Variants in NCDN observed in about 807,000 individuals in gnomAD.
The protein encoded by NCDN is norbin.
Under a neutral mutation model 60.7 loss-of-function variants are expected in NCDN, and 9 were observed. That is an observed-to-expected ratio of 0.15 (90% CI 0.09 to 0.26). The LOEUF is 0.26. Ranked by LOEUF, NCDN falls within the 10% of genes least tolerant of loss-of-function variation. The pLI is 1.00. For synonymous variants in NCDN, 409 were observed against 442.5 expected (o/e 0.92, Z 0.95); for missense variants, 578 against 975.2 (o/e 0.59, Z 5.42).
rs762580458 is a variant in NCDN, at chr1:35,565,428, C to A, written c.1955C>A (p.Pro652His). ...QAFTGCVPLL[P>H]WLAPAALRSR... is the part of the protein sequence containing the mutation. ...TTCACCGGCTGTGTGCCTCTGCTGC[C>A]CTGGCTGGCCCCCGCTGCCCTGCGC... The change falls in exon 7 of 7, where the codon CCC (proline) becomes CAC (histidine). Residue 652 changes from proline (P) to histidine (H), a missense_variant. This residue lies in a region of NCDN where 191 missense variants were observed against 372.1 expected (regional missense o/e 0.51). Coordinates refer to ENST00000373243, the MANE Select transcript of NCDN (RefSeq NM_014284.3). This position sits in a 1 kb window ranked among gnomAD's most constrained non-coding sequence, Gnocchi z 8.9. 4 of 1,612,508 alleles carry A rather than the reference C, an allele frequency of 2.5e-6. No homozygotes were observed. Among genetic ancestry groups the A allele is most frequent in the Non-Finnish European group, 3.4e-6 (4 of 1,179,498 alleles).
At chr1:35,559,328 G>T in intron 2 of NCDN, 81 bp downstream of exon 2, 1 of 1,570,742 alleles carries the variant, frequency 6.4e-7, no homozygotes, top group East Asian at 2.3e-5. Flanking sequence ...GAGTCCCCAA[G>T]GATATGTACG....
chr1:35,559,408 C>G (rs1050721286), intron 2 of NCDN, among the ~76,000 whole-genome samples, 161 bp downstream of exon 2: 1 of 152,074 alleles, frequency 6.6e-6, no homozygotes, highest in Non-Finnish European at 1.5e-5. Flanking sequence ...TTTTGCTCCC[C>G]CTGAGAATGG....
At position 35,561,464 on chromosome 1, in the gene NCDN, C is replaced by T. The variant is rs1363976371; in HGVS notation, c.1143+170C>T. 6.6e-6 allele frequency among the ~76,000 whole-genome samples: 1 copy of T among 151,958 alleles called. No homozygotes were observed. Among genetic ancestry groups the T allele is most frequent in the Non-Finnish European group, 1.5e-5 (1 of 67,940 alleles). On this transcript the variant is annotated intron_variant, in intron 3 of 6. Transcript: ENST00000373243. The surrounding 1 kb of genome is among the most constrained non-coding windows in gnomAD (Gnocchi z 4.9). ...AGTGTGCGGCCCAACCTCCCTCTCT[C>T]TCCCTCCCTCCACACAAGCACCATA...
chr1:35,559,377 G>C, intron 2 of NCDN, 130 bp downstream of exon 2: 1 of 1,187,134 alleles, frequency 8.4e-7, no homozygotes, highest in Non-Finnish European at 1.2e-6. Context: ...GAAGGCCCAA[G>C]ACCCCTACCT....
At chr1:35,564,681 T>C (rs1225784547) in intron 6 of NCDN, among the ~76,000 whole-genome samples, 1 of 152,180 alleles carries the variant, frequency 6.6e-6, no homozygotes. Context: ...CCCAATTTCA[T>C]GGTCCCAGTT....
rs750786783 is a variant in NCDN at position 35,557,843 on chromosome 1, T to G, written c.-348T>G. The G allele has an allele frequency of 3.5e-6, 2 of 563,712 alleles. No homozygotes were observed. The highest frequency in any genetic ancestry group is 2.2e-5 in the Admixed American group (1 of 45,480). The allele number at this position is 563,712 out of a possible 1,614,324, so 34.9% of individuals were successfully genotyped here. A position where few individuals can be genotyped will look rare whatever the true frequency, so the allele number is the denominator to read the frequency against. On this transcript the variant is annotated 5_prime_UTR_variant, in exon 1 of 7. Transcript: ENST00000373243. ...GCAGCGGCCCGAGGCTCCCGGAGCA[T>G]CGCGCTGGGAGAAGACTTCGCCGCT...
At position 35,561,045 on chromosome 1, in the gene NCDN, G is replaced by T; in HGVS notation, c.894G>T (p.Pro298=). 2 of 1,612,792 alleles carry T rather than the reference G, an allele frequency of 1.2e-6. No individual in the cohort carries two copies. The highest frequency in any genetic ancestry group is 1.7e-6 in the Non-Finnish European group (2 of 1,179,220). The part of the protein sequence containing the change: ...LAHACGSDWI[P]AGSSGSKFLA... ...ACGCCTGCGGCTCCGACTGGATCCC[G>T]GCGGGCAGCTCCGGGAGCAAGTTCC... The change falls in exon 3 of 7, where the codon CCG becomes CCT. Residue 298 remains proline (P), a synonymous_variant. Coordinates refer to ENST00000373243, the MANE Select transcript of NCDN (RefSeq NM_014284.3). The surrounding 1 kb of genome is among the most constrained non-coding windows in gnomAD (Gnocchi z 4.9).
In NCDN at chr1:35,558,054, A is replaced by C; in HGVS notation, c.-137A>C. On this transcript the variant is annotated 5_prime_UTR_variant, in exon 1 of 7. Coordinates refer to ENST00000373243, the MANE Select transcript of NCDN (RefSeq NM_014284.3). This position sits in a 1 kb window ranked among gnomAD's most constrained non-coding sequence, Gnocchi z 6.3. ...ATTTTGTCACAGCCCTTTTCAATATATATCTTTTTTTTTTTTAATTTGCCC... is the reference window on the plus strand; with the variant it reads ...ATTTTGTCACAGCCCTTTTCAATATCTATCTTTTTTTTTTTTAATTTGCCC... 2.4e-6 allele frequency: 3 copies of C among 1,239,086 alleles called. No homozygotes were observed. The highest frequency in any genetic ancestry group is 3.4e-6 in the Non-Finnish European group (3 of 878,782). The allele number at this position is 1,239,086 out of a possible 1,614,324, so 76.8% of individuals were successfully genotyped here. A position where few individuals can be genotyped will look rare whatever the true frequency, so the allele number is the denominator to read the frequency against.
In NCDN at chr1:35,565,874, G is replaced by A. The variant is rs908530973; in HGVS notation, c.*211G>A. The A allele has an allele frequency of 2.4e-5, 14 of 585,672 alleles. No individual in the cohort carries two copies. In the African/African-American group the frequency reaches 2.5e-4, roughly 10 times the overall value. 36.3% of individuals were successfully genotyped at this position (585,672 alleles called of 1,614,324 possible). A position where few individuals can be genotyped will look rare whatever the true frequency, so the allele number is the denominator to read the frequency against. On this transcript the variant is annotated 3_prime_UTR_variant, in exon 7 of 7. Transcript: ENST00000373243. This position sits in a 1 kb window ranked among gnomAD's most constrained non-coding sequence, Gnocchi z 8.9. The stretch of plus-strand genomic sequence containing the variant: ...CCCCTCAGGCCCCCATGGGGGCAGG[G>A]ATCGGCTTGGAAATCAACGTGGTTG...
chr1:35,560,217 C>A lies in NCDN; in HGVS notation c.175-109C>A. On this transcript the variant is annotated intron_variant, in intron 2 of 6. Coordinates refer to ENST00000373243, the MANE Select transcript of NCDN (RefSeq NM_014284.3). The surrounding 1 kb of genome is among the most constrained non-coding windows in gnomAD (Gnocchi z 7.6). ...CTGGATGAAATGACCTCAGATGAGTCCTGTTGCATAACCTCATCTTGCTAG... is the reference window on the plus strand; with the variant it reads ...CTGGATGAAATGACCTCAGATGAGTACTGTTGCATAACCTCATCTTGCTAG... The A allele has an allele frequency of 1.4e-6, 2 of 1,383,970 alleles. No homozygotes were observed. Among genetic ancestry groups the A allele is most frequent in the Non-Finnish European group, 2.0e-6 (2 of 1,015,802 alleles). 85.7% of individuals were successfully genotyped at this position (1,383,970 alleles called of 1,614,324 possible). A position where few individuals can be genotyped will look rare whatever the true frequency, so the allele number is the denominator to read the frequency against.
At chr1:35,564,154 C>A (rs902519609) in intron 6 of NCDN, among the ~76,000 whole-genome samples, 2 of 152,212 alleles carry the variant, frequency 1.3e-5, no homozygotes, top group African/African-American at 4.8e-5. Flanking sequence ...TGCTCACAGG[C>A]ACAGGCATAG....
chr1:35,560,512 G>A lies in NCDN; in HGVS notation c.361G>A (p.Ala121Thr), dbSNP rs1447323220. Residue 121 changes from alanine to threonine, a missense_variant, in exon 3 of 7, where the codon GCC becomes ACC. By Grantham distance (58) the Ala-to-Thr change is moderately conservative. This residue lies in a region of NCDN where 363 missense variants were observed against 583.6 expected (regional missense o/e 0.62). Transcript: ENST00000373243. The surrounding 1 kb of genome is among the most constrained non-coding windows in gnomAD (Gnocchi z 7.6). ...CTGCTTCTGCAGTGACCCTGAACTG[G>A]CCGCCCATCCCCAAGTCCTGAACAA... ...LACFCSDPELAAHPQVLNKIP... is the reference protein window; with the variant it reads ...LACFCSDPELTAHPQVLNKIP... 2 of 1,613,818 alleles carry A rather than the reference G, an allele frequency of 1.2e-6. No homozygotes were observed. Among genetic ancestry groups the A allele is most frequent in the South Asian group, 2.2e-5 (2 of 91,080 alleles).
rs1376036118 is a variant in NCDN, at chr1:35,558,435, C to CGCTGCTGCT, written c.33+221_33+229dup. On this transcript the variant is annotated intron_variant, in intron 1 of 6. Coordinates refer to ENST00000373243, the MANE Select transcript of NCDN (RefSeq NM_014284.3). This position sits in a 1 kb window ranked among gnomAD's most constrained non-coding sequence, Gnocchi z 6.3. ...GGGTTAATTCTGCTGCTGCCGCCGC[C>CGCTGCTGCT]GCTGCTGCTGCTGCTGCAGCCTCTA... 7 of 1,428,872 alleles carry CGCTGCTGCT rather than the reference C, an allele frequency of 4.9e-6. No individual in the cohort carries two copies. Among genetic ancestry groups the CGCTGCTGCT allele is most frequent in the East Asian group, 2.6e-5 (1 of 38,258 alleles). 88.5% of individuals were successfully genotyped at this position (1,428,872 alleles called of 1,614,324 possible). A position where few individuals can be genotyped will look rare whatever the true frequency, so the allele number is the denominator to read the frequency against.
intron 2 of NCDN, 78 bp downstream of exon 2, chr1:35,559,325 C>G: frequency 6.3e-7 from 1 of 1,583,890 alleles, no homozygotes. Context: ...AGTGAGTCCC[C>G]AAGGATATGT....
chr1:35,565,909 G>A lies in NCDN; in HGVS notation c.*246G>A. ...GAAATCAACGTGGTTGTCCCCGCCA[G>A]GCCGGGGAAGGTTGGAGCAGCCCCC... On this transcript the variant is annotated 3_prime_UTR_variant, in exon 7 of 7. Transcript: ENST00000373243. This position sits in a 1 kb window ranked among gnomAD's most constrained non-coding sequence, Gnocchi z 8.9. 2.0e-6 allele frequency: 1 copy of A among 512,116 alleles called. No individual in the cohort carries two copies. The highest frequency in any genetic ancestry group is 3.5e-5 in the East Asian group (1 of 28,580). The allele number at this position is 512,116 out of a possible 1,614,324, so 31.7% of individuals were successfully genotyped here.
Position 35,562,069 on chromosome 1 carries a change from G to A in NCDN, c.1144-323G>A, listed in dbSNP as rs1648724569. Among the ~76,000 whole-genome samples the A allele has an allele frequency of 6.6e-6, 1 of 152,158 alleles. No individual in the cohort carries two copies. The highest frequency in any genetic ancestry group is 1.5e-5 in the Non-Finnish European group (1 of 68,030). Reference sequence around the variant, plus strand: ...GACCTATGAATTTCCTTCTAGCCTTGAGACACTCCAGAGGTAGGGAGTTAG... The same window carrying A: ...GACCTATGAATTTCCTTCTAGCCTTAAGACACTCCAGAGGTAGGGAGTTAG... On this transcript the variant is annotated intron_variant, in intron 3 of 6. Transcript: ENST00000373243. The surrounding 1 kb of genome is among the most constrained non-coding windows in gnomAD (Gnocchi z 6.8).
intron 2 of NCDN, 50 bp downstream of exon 2, chr1:35,559,297 C>A: frequency 6.2e-7 from 1 of 1,611,038 alleles, no homozygotes; most frequent in South Asian, 1.1e-5. Flanking sequence ...GGTGGTTGGG[C>A]CCCCAAGGAA....
At position 35,563,627 on chromosome 1, in the gene NCDN, G is replaced by T. The variant is rs1355616639; in HGVS notation, c.1611-140G>T. On this transcript the variant is annotated intron_variant, in intron 5 of 6. Transcript: ENST00000373243. This position sits in a 1 kb window ranked among gnomAD's most constrained non-coding sequence, Gnocchi z 6.6. ...CCCCAGGTACTGTCTCAGCATGTCT[G>T]CTTGTTCCAATCTCTGCCCCCCAGA... is the stretch of plus-strand genomic sequence containing the variant. 2 of 1,135,728 alleles carry T rather than the reference G, an allele frequency of 1.8e-6. No individual in the cohort carries two copies. Among genetic ancestry groups the T allele is most frequent in the African/African-American group, 1.6e-5 (1 of 64,230 alleles). 70.4% of individuals were successfully genotyped at this position (1,135,728 alleles called of 1,614,324 possible).
Position 35,563,068 on chromosome 1 carries a change from T to G in NCDN, c.1386-134T>G, listed in dbSNP as rs1394306491. Reference sequence around the variant, plus strand: ...GTTGTGCGACTCTGAAGCTTGTACTTTTTCTGTGGTACCTGCGAGGATGTG... The same window carrying G: ...GTTGTGCGACTCTGAAGCTTGTACTGTTTCTGTGGTACCTGCGAGGATGTG... On this transcript the variant is annotated intron_variant, in intron 4 of 6. Coordinates refer to ENST00000373243, the MANE Select transcript of NCDN (RefSeq NM_014284.3). The surrounding 1 kb of genome is among the most constrained non-coding windows in gnomAD (Gnocchi z 6.6). 1 of 884,596 alleles carries G rather than the reference T, an allele frequency of 1.1e-6. No homozygotes were observed. Among genetic ancestry groups the G allele is most frequent in the East Asian group, 2.7e-5 (1 of 37,394 alleles). 54.8% of individuals were successfully genotyped at this position (884,596 alleles called of 1,614,324 possible).
Sources: gnomAD v4.1 joint callset for allele counts (sites outside exome capture counted in the v4.1 genomes callset) on GRCh38, gnomAD v4.1.1 for gene constraint, gnomAD v4.1.1 regional missense constraint, Gnocchi (gnomAD v3.1) non-coding constraint, MANE v1.5 for transcripts, NCBI Gene and HGNC (gene_info 2026-07-23, HGNC 2026-07-21) for gene names.